The following VPS13A variants were observed in gnomAD, a reference collection of about 807,000 sequenced individuals.
VPS13A encodes the protein vacuolar protein sorting 13 homolog A, also known as intermembrane lipid transfer protein VPS13A.
VPS13A carries 264 observed loss-of-function variants against 390.9 expected under a neutral mutation model. The observed-to-expected ratio is 0.68, with a 90% CI of 0.61 to 0.75. The LOEUF (loss-of-function observed/expected upper bound fraction) is 0.75, where lower values mean the gene tolerates loss of function less well. Ranked by LOEUF, VPS13A falls within the 30% of genes least tolerant of loss-of-function variation. The probability of loss-of-function intolerance (pLI) is 0.00; values close to 1 mark genes in which losing one functional copy is unlikely to be tolerated. For synonymous variants in VPS13A, 1,231 were observed against 1,227.1 expected, an observed-to-expected ratio of 1.00 and a Z score of -0.07; for missense variants, 3,409 against 3,733.9, an observed-to-expected ratio of 0.91 and a Z score of 2.27.
chr9:77,283,328 T>G, intron 29 of VPS13A, 27 bp from the exon 30 acceptor site: 6 of 1,355,270 alleles, frequency 4.4e-6, no homozygotes, highest in Non-Finnish European at 6.3e-6. Context: ...TTTCCTCATG[T>G]TTTATAATAT....
chr9:77,237,963 T>A (rs1345254547), intron 17 of VPS13A, 39 bp from the exon 18 acceptor site: 2 of 1,473,738 alleles, frequency 1.4e-6, no homozygotes, highest in Admixed American at 3.6e-5. Context: ...CTTCACAATT[T>A]TACTGATCGC....
chr9:77,194,490 C>A (rs749988402), intron 1 of VPS13A, among the ~76,000 whole-genome samples: 2 of 152,084 alleles, frequency 1.3e-5, no homozygotes, highest in Non-Finnish European at 2.9e-5. Flanking sequence ...ATGGACATAC[C>A]TGGCCATGCT....
chr9:77,250,273 GATTA>G (rs1460315827), intron 21 of VPS13A, 44 bp downstream of exon 21: 2 of 1,604,876 alleles, frequency 1.2e-6, no homozygotes, highest in East Asian at 2.2e-5. Context: ...TTGTTGAAGT[GATTA>G]ATTAGGTTTT....
At chr9:77,388,694 T>C (rs1382758886) in intron 68 of VPS13A, among the ~76,000 whole-genome samples, 2 of 152,196 alleles carry the variant, frequency 1.3e-5, no homozygotes, top group African/African-American at 4.8e-5. Context: ...GAAAATATTA[T>C]AGGCATTGTT....
At chr9:77,256,101 CT>C (rs1266394074) in intron 22 of VPS13A, among the ~76,000 whole-genome samples, 1 of 151,532 alleles carries the variant, frequency 6.6e-6, no homozygotes, top group African/African-American at 2.4e-5. Flanking sequence ...GATTTTAGGT[CT>C]TTCTTCTTTA....
chr9:77,295,706 A>G lies in VPS13A; in HGVS notation c.3672A>G (p.Pro1224=). 3 of 1,614,046 alleles carry G rather than the reference A, an allele frequency of 1.9e-6. No individual in the cohort carries two copies. Among genetic ancestry groups the G allele is most frequent in the Non-Finnish European group, 1.7e-6 (2 of 1,179,944 alleles). The change falls in exon 33 of 72, where the codon CCA becomes CCG. Residue 1224 remains proline, a synonymous_variant. Transcript: ENST00000360280. ...CAGTTGTGGTCATCCCGCAGTCTCCAGTTTCTGAAAATGTTTTTGTTGCTG... is the reference window on the plus strand; with the variant it reads ...CAGTTGTGGTCATCCCGCAGTCTCCGGTTTCTGAAAATGTTTTTGTTGCTG... The part of the protein sequence containing the change: ...KAPVVVIPQS[P]VSENVFVADF...
At chr9:77,289,014 T>G (rs1827499287) in intron 31 of VPS13A, among the ~76,000 whole-genome samples, 2 of 152,230 alleles carry the variant, frequency 1.3e-5, no homozygotes, top group African/African-American at 2.4e-5. Context: ...GGTAGTAATA[T>G]AGCCATTCCA....
chr9:77,409,639 C>A (rs927508610), intron 71 of VPS13A, among the ~76,000 whole-genome samples: 5 of 151,330 alleles, frequency 3.3e-5, no homozygotes, highest in Non-Finnish European at 7.3e-5. Context: ...GGCACGAGAA[C>A]TAAGTGACGA....
At chr9:77,228,354 A>C in intron 17 of VPS13A, 90 bp downstream of exon 17, 2 of 1,282,880 alleles carry the variant, frequency 1.6e-6, no homozygotes, top group South Asian at 1.5e-5. Flanking sequence ...TTTTGTAAAG[A>C]GCACTATAGT....
chr9:77,343,645 T>G (rs149261412), intron 50 of VPS13A, among the ~76,000 whole-genome samples: 56 of 152,374 alleles, frequency 3.7e-4, no homozygotes, highest in African/African-American at 1.2e-3. Flanking sequence ...ATTCTGAGCT[T>G]CTTTCCTACT....
chr9:77,235,767 T>A (rs1487206066), intron 17 of VPS13A, among the ~76,000 whole-genome samples: 2 of 152,192 alleles, frequency 1.3e-5, no homozygotes, highest in Non-Finnish European at 2.9e-5. Context: ...ATTTCAGTTG[T>A]CCTGTATTCA....
chr9:77,402,787 A>G (rs540440561), intron 68 of VPS13A, among the ~76,000 whole-genome samples: 1 of 152,318 alleles, frequency 6.6e-6, no homozygotes, highest in East Asian at 1.9e-4. Context: ...GAGATTGACA[A>G]AGAAAAGCAT....
intron 22 of VPS13A, among the ~76,000 whole-genome samples, chr9:77,256,888 A>G (rs892597912): frequency 2.0e-5 from 3 of 150,582 alleles, no homozygotes; most frequent in Non-Finnish European, 4.4e-5. Context: ...TGTGTTTTCT[A>G]TGAGTTAACG....
At chr9:77,282,659 C>G (rs999021312) in intron 29 of VPS13A, among the ~76,000 whole-genome samples, 2 of 151,960 alleles carry the variant, frequency 1.3e-5, no homozygotes, top group Non-Finnish European at 2.9e-5. Context: ...CAGCTGGGTG[C>G]GGTGGCTTAT....
intron 53 of VPS13A, among the ~76,000 whole-genome samples, chr9:77,352,884 A>T (rs1450537408): frequency 6.6e-6 from 1 of 152,108 alleles, no homozygotes; most frequent in Non-Finnish European, 1.5e-5. Context: ...TGCTATGTTT[A>T]TCTTGTCATT....
At chr9:77,244,519 G>C (rs1423393819) in intron 19 of VPS13A, among the ~76,000 whole-genome samples, 3 of 152,130 alleles carry the variant, frequency 2.0e-5, no homozygotes, top group African/African-American at 7.2e-5. Flanking sequence ...CCTGAGGAGG[G>C]TTCTAGGGGC....
At chr9:77,251,374 A>G (rs893888593) in intron 21 of VPS13A, among the ~76,000 whole-genome samples, 5 of 152,318 alleles carry the variant, frequency 3.3e-5, no homozygotes, top group Middle Eastern at 3.4e-3. Context: ...ATGAATTTTT[A>G]AAGTTATTTC....
chr9:77,229,023 G>T (rs1209578977), intron 17 of VPS13A, among the ~76,000 whole-genome samples: 1 of 152,152 alleles, frequency 6.6e-6, no homozygotes, highest in African/African-American at 2.4e-5. Flanking sequence ...TGAGATTTGG[G>T]TCGGGACACA....
intron 19 of VPS13A, among the ~76,000 whole-genome samples, chr9:77,244,204 A>G (rs1303182432): frequency 6.6e-6 from 1 of 152,188 alleles, no homozygotes; most frequent in African/African-American, 2.4e-5. Context: ...CAACTCCTAC[A>G]TTCCAGCCTA....
Sources: gnomAD v4.1 joint callset for allele counts (sites outside exome capture counted in the v4.1 genomes callset) on GRCh38, gnomAD v4.1.1 for gene constraint, MANE v1.5 for transcripts, NCBI Gene and HGNC (gene_info 2026-07-23, HGNC 2026-07-21) for gene names.